PTBP2: variants seen among roughly 807,000 people sequenced by gnomAD.
PTBP2 encodes the protein polypyrimidine tract-binding protein 2.
PTBP2 carries 13 observed loss-of-function variants against 61.4 expected under a neutral mutation model. The observed-to-expected ratio is 0.21, with a 90% confidence interval of 0.14 to 0.34. The LOEUF (loss-of-function observed/expected upper bound fraction) is 0.34, where lower values mean the gene tolerates loss of function less well. Ranked by LOEUF, PTBP2 falls within the 10% of genes least tolerant of loss-of-function variation. The pLI is 1.00. For missense variants in PTBP2, 405 were observed against 642.6 expected (o/e 0.63, Z 4.00); for synonymous variants, 215 against 218.5 (o/e 0.98, Z 0.14).
rs569580677 is a variant in PTBP2 at position 96,765,447 on chromosome 1, C to T, written c.116-4256C>T. Among the ~76,000 whole-genome samples, 4 of 152,144 alleles carry T rather than the reference C, an allele frequency of 2.6e-5. 1 individual carries two copies. The South Asian group carries it at 6.2e-4, about 24-fold the overall frequency. On this transcript the variant is annotated intron_variant, in intron 3 of 13. Coordinates refer to ENST00000674951, the MANE Select transcript of PTBP2 (RefSeq NM_021190.4). ...AGAAAGTAGGCCAGGTGCTGTGGCT[C>T]ATGCCTGTATTTCAGCACTTTGGGA...
chr1:96,801,084 ATAAAG>A (rs1316918866), intron 8 of PTBP2, among the ~76,000 whole-genome samples: 2 of 152,170 alleles, frequency 1.3e-5, no homozygotes, highest in African/African-American at 4.8e-5. Flanking sequence ...TTTCATAAAA[ATAAAG>A]TATTAACCTT....
chr1:96,742,913 A>G (rs1047394708), intron 2 of PTBP2, among the ~76,000 whole-genome samples: 2 of 152,182 alleles, frequency 1.3e-5, no homozygotes, highest in African/African-American at 2.4e-5. Context: ...TCCAGTATTC[A>G]GAATACTTTC....
intron 2 of PTBP2, among the ~76,000 whole-genome samples, chr1:96,736,442 C>T (rs1039685065): frequency 2.6e-5 from 4 of 151,866 alleles, no homozygotes; most frequent in African/African-American, 9.7e-5. Context: ...TTCTGATGAT[C>T]TAGTATTGAT....
chr1:96,800,961 T>G (rs1279411880), intron 8 of PTBP2, among the ~76,000 whole-genome samples: 1 of 152,112 alleles, frequency 6.6e-6, no homozygotes. Flanking sequence ...ATATTTAAAA[T>G]TCTTTTAAAC....
At chr1:96,790,460 CTTAA>C (rs930227819) in intron 8 of PTBP2, among the ~76,000 whole-genome samples, 72 of 152,068 alleles carry the variant, frequency 4.7e-4, no homozygotes, top group Non-Finnish European at 7.9e-4. Flanking sequence ...TGGTTGCTGC[CTTAA>C]TTAATTTCAC....
intron 8 of PTBP2, among the ~76,000 whole-genome samples, chr1:96,786,902 A>T (rs2101080200): frequency 6.6e-6 from 1 of 152,246 alleles, no homozygotes; most frequent in South Asian, 2.1e-4. Flanking sequence ...ATATACTTAG[A>T]TGTGCTTGGA....
chr1:96,795,608 A>G (rs1358755190), intron 8 of PTBP2, among the ~76,000 whole-genome samples: 1 of 152,250 alleles, frequency 6.6e-6, no homozygotes, highest in Non-Finnish European at 1.5e-5. Flanking sequence ...CTAGGGATCA[A>G]ATAGGATTAA....
At chr1:96,758,915 A>C (rs914418909) in intron 3 of PTBP2, among the ~76,000 whole-genome samples, 1 of 152,188 alleles carries the variant, frequency 6.6e-6, no homozygotes, top group African/African-American at 2.4e-5. Context: ...GAAGGACTCT[A>C]CAACAGATTT....
chr1:96,753,633 A>G (rs768094744), intron 3 of PTBP2, among the ~76,000 whole-genome samples: 1 of 152,150 alleles, frequency 6.6e-6, no homozygotes, highest in Non-Finnish European at 1.5e-5. Flanking sequence ...TTCCAAAATG[A>G]CCTAGAGTTA....
At chr1:96,743,724 G>C (rs185028082) in intron 2 of PTBP2, among the ~76,000 whole-genome samples, 12 of 152,136 alleles carry the variant, frequency 7.9e-5, no homozygotes, top group African/African-American at 2.9e-4. Flanking sequence ...CCTTTTTGTT[G>C]CTGTTAGTAT....
At chr1:96,807,354 A>T (rs1230689851) in intron 11 of PTBP2, among the ~76,000 whole-genome samples, 1 of 152,202 alleles carries the variant, frequency 6.6e-6, no homozygotes, top group Non-Finnish European at 1.5e-5. Context: ...GTCTTGCGAT[A>T]CCAGGTTCTT....
chr1:96,791,203 C>T (rs540349285), intron 8 of PTBP2, among the ~76,000 whole-genome samples: 4 of 152,176 alleles, frequency 2.6e-5, no homozygotes, highest in Non-Finnish European at 5.9e-5. Context: ...TATTGCATTT[C>T]ATACACAGTG....
chr1:96,729,586 A>G (rs1274972247), intron 2 of PTBP2, among the ~76,000 whole-genome samples: 1 of 152,172 alleles, frequency 6.6e-6, no homozygotes, highest in African/African-American at 2.4e-5. Context: ...TTTAAACTAC[A>G]TATTCAACTT....
chr1:96,798,564 G>T (rs1262998649), intron 8 of PTBP2, among the ~76,000 whole-genome samples: 8 of 152,140 alleles, frequency 5.3e-5, no homozygotes. Context: ...TTTTAGAATG[G>T]CAGATGGAGG....
At chr1:96,752,983 C>T (rs941945957) in intron 3 of PTBP2, among the ~76,000 whole-genome samples, 5 of 152,088 alleles carry the variant, frequency 3.3e-5, no homozygotes, top group African/African-American at 1.2e-4. Context: ...ATACAGGTCT[C>T]ACTGAGCTGA....
intron 1 of PTBP2, among the ~76,000 whole-genome samples, chr1:96,723,005 A>G (rs1649840513): frequency 6.6e-6 from 1 of 152,202 alleles, no homozygotes; most frequent in Non-Finnish European, 1.5e-5. Context: ...AGAATCAACA[A>G]TTTGGTTAAG....
intron 8 of PTBP2, among the ~76,000 whole-genome samples, chr1:96,804,452 A>G (rs1275859845): frequency 6.6e-6 from 1 of 150,684 alleles, no homozygotes; most frequent in Non-Finnish European, 1.5e-5. Context: ...TTGGCCTTTT[A>G]CTGTAAATCG....
intron 1 of PTBP2, among the ~76,000 whole-genome samples, chr1:96,722,988 T>A (rs2100764149): frequency 6.6e-6 from 1 of 152,294 alleles, no homozygotes; most frequent in East Asian, 1.9e-4. Context: ...AATCAGTGAG[T>A]ATTTGAAGAA....
At chr1:96,811,855 C>T (rs1163142289) in intron 11 of PTBP2, among the ~76,000 whole-genome samples, 1 of 152,036 alleles carries the variant, frequency 6.6e-6, no homozygotes, top group Non-Finnish European at 1.5e-5. Flanking sequence ...AGCATCAGAC[C>T]AGTTCATTTA....
Sources: allele counts gnomAD v4.1 joint callset (sites outside exome capture counted in the v4.1 genomes callset), GRCh38; gene constraint gnomAD v4.1.1; transcripts MANE v1.5; gene names NCBI Gene and HGNC (gene_info 2026-07-23, HGNC 2026-07-21).